The following ARL10 variants were observed in gnomAD, a reference collection of about 807,000 sequenced individuals.
ARL10 encodes ADP-ribosylation factor-like protein 10.
Under a neutral mutation model 26.1 loss-of-function variants are expected in ARL10, and 23 were observed. That is an observed-to-expected ratio of 0.88 (90% CI 0.63 to 1.25). The LOEUF is 1.25. Ranked by LOEUF, ARL10 falls within the 50% of genes most tolerant of loss-of-function variation. The probability of loss-of-function intolerance (pLI) is 0.00; values close to 1 mark genes in which losing one functional copy is unlikely to be tolerated. For missense variants in ARL10, 300 were observed against 323.6 expected (o/e 0.93, Z 0.56); for synonymous variants, 138 against 149.1 (o/e 0.93, Z 0.54).
downstream of ARL10, among the ~76,000 whole-genome samples, chr5:176,391,440 C>T (rs1030780127): frequency 7.2e-5 from 11 of 152,094 alleles, no homozygotes; most frequent in Admixed American, 5.9e-4. Context: ...GGCAAAGCCC[C>T]GTCTCTACTA....
chr5:176,390,787 G>A (rs1370595009), downstream of ARL10, among the ~76,000 whole-genome samples: 1 of 152,156 alleles, frequency 6.6e-6, no homozygotes, highest in East Asian at 1.9e-4. Context: ...AGAGGAAACA[G>A]GCTCAGAGAA....
At chr5:176,383,663 C>T (rs1755609766), downstream of ARL10, among the ~76,000 whole-genome samples, 1 of 152,260 alleles carries the variant, frequency 6.6e-6, no homozygotes, top group African/African-American at 2.4e-5. Flanking sequence ...CAGGCTAGGG[C>T]CCCACCAGCC....
chr5:176,387,765 G>A (rs1210782973), intron 1 of ARL10, among the ~76,000 whole-genome samples: 1 of 152,184 alleles, frequency 6.6e-6, no homozygotes, highest in Non-Finnish European at 1.5e-5. Context: ...AGCCGGGTAT[G>A]GTGGCACACG....
Position 176,365,728 on chromosome 5 carries a change from C to G in ARL10, c.165C>G (p.Pro55=). ...AWWGAEAARL[P]EWDEWDPEDE... ...GGGGCGCGGAGGCTGCCCGCCTCCC[C>G]GAGTGGGACGAGTGGGACGTGAGTG... The change falls in exon 1 of 4, where the codon CCC becomes CCG. Residue 55 remains proline (P), a synonymous_variant. Transcript: ENST00000310389. 1 of 1,235,906 alleles carries G rather than the reference C, an allele frequency of 8.1e-7. No individual in the cohort carries two copies. The highest frequency in any genetic ancestry group is 1.0e-6 in the Non-Finnish European group (1 of 988,860). 76.6% of individuals were successfully genotyped at this position (1,235,906 alleles called of 1,614,324 possible). A position where few individuals can be genotyped will look rare whatever the true frequency, so the allele number is the denominator to read the frequency against.
In ARL10 at chr5:176,368,785, C is replaced by G. The variant is rs763088461; in HGVS notation, c.386-22C>G. ...GAGCGGGGGCCCGGGAGGCTCTGAG[C>G]TGGCCCCTGGCCTCTCCTCAGTTGG... On this transcript the variant is annotated intron_variant, in intron 2 of 3. Transcript: ENST00000310389. The surrounding 1 kb of genome is among the most constrained non-coding windows in gnomAD (Gnocchi z 4.1). The G allele has an allele frequency of 2.5e-6, 4 of 1,592,658 alleles. No homozygotes were observed. The highest frequency in any genetic ancestry group is 3.4e-6 in the Non-Finnish European group (4 of 1,168,232).
At position 176,365,710 on chromosome 5, in the gene ARL10, G is replaced by T; in HGVS notation, c.147G>T (p.Ala49=). The T allele has an allele frequency of 8.1e-7, 1 of 1,239,494 alleles. No homozygotes were observed. Among genetic ancestry groups the T allele is most frequent in the Non-Finnish European group, 1.0e-6 (1 of 990,106 alleles). The allele number at this position is 1,239,494 out of a possible 1,614,324, so 76.8% of individuals were successfully genotyped here. The part of the protein sequence containing the change: ...RWDRGEAWWG[A]EAARLPEWDE... ...ACCGGGGAGAGGCCTGGTGGGGCGC[G>T]GAGGCTGCCCGCCTCCCCGAGTGGG... The change falls in exon 1 of 4, where the codon GCG becomes GCT. Residue 49 remains alanine, a synonymous_variant. Transcript: ENST00000310389.
At chr5:176,393,519 C>T (rs905627021), downstream of ARL10, among the ~76,000 whole-genome samples, 2 of 152,220 alleles carry the variant, frequency 1.3e-5, no homozygotes, top group East Asian at 1.9e-4. The surrounding 1 kb of genome is among the most constrained non-coding windows in gnomAD (Gnocchi z 4.4). Context: ...TACAGCAAGA[C>T]TTTCAAAGCC....
At chr5:176,388,633 T>G (rs1412209114) in exon 2 of ARL10, 1 of 1,370,732 alleles carries the variant, frequency 7.3e-7, no homozygotes, top group Admixed American at 1.9e-5. Context: ...CACAAGGCTT[T>G]GCGGGCATTT....
At chr5:176,371,327 G>A (rs968871492) in intron 3 of ARL10, among the ~76,000 whole-genome samples, 3 of 152,222 alleles carry the variant, frequency 2.0e-5, no homozygotes, top group South Asian at 4.1e-4. Flanking sequence ...AGGTTGCAGT[G>A]AGCCAAGATC....
chr5:176,370,675 T>A (rs1253405929), intron 3 of ARL10, among the ~76,000 whole-genome samples: 1 of 152,186 alleles, frequency 6.6e-6, no homozygotes, highest in Non-Finnish European at 1.5e-5. Flanking sequence ...ATGTCCTATT[T>A]ATAAACTAAT....
At chr5:176,401,987 AT>A (rs1469544784), downstream of ARL10, 5 of 320,276 alleles carry the variant, frequency 1.6e-5, no homozygotes, top group African/African-American at 8.7e-5. Flanking sequence ...TCTAAATCCG[AT>A]TTATCATGTC....
the ARL10 span, among the ~76,000 whole-genome samples, chr5:176,413,502 C>T: frequency 6.6e-6 from 1 of 152,230 alleles, no homozygotes; most frequent in East Asian, 1.9e-4. Flanking sequence ...CCTGTGGCTC[C>T]AGCACAGGCC....
chr5:176,388,719 GCGTA>G, downstream of ARL10: 1 of 1,502,456 alleles, frequency 6.7e-7, no homozygotes, highest in East Asian at 2.3e-5. Flanking sequence ...ATTTGCGCCT[GCGTA>G]CAAGGCTCAA....
At chr5:176,404,168 G>A (rs994635209), downstream of ARL10, among the ~76,000 whole-genome samples, 2 of 152,216 alleles carry the variant, frequency 1.3e-5, no homozygotes, top group African/African-American at 2.4e-5. Context: ...GGTGTGACTC[G>A]CCACATAGTA....
downstream of ARL10, chr5:176,386,693 A>G (rs1408226390): frequency 1.3e-6 from 1 of 760,210 alleles, no homozygotes; most frequent in Admixed American, 1.9e-5. Flanking sequence ...GCCAGGACAC[A>G]GTCCTAACTC....
At position 176,372,783 on chromosome 5, in the gene ARL10, C is replaced by G. The variant is rs1336593048; in HGVS notation, c.*888C>G. On this transcript the variant is annotated 3_prime_UTR_variant, in exon 4 of 4. Transcript: ENST00000310389. ...GTCAACTGGAGCTAGGTGTTGACCT[C>G]AGAACTGCATTTTATTTATTAATTT... The G allele has an allele frequency of 1.3e-5, 5 of 397,598 alleles. No homozygotes were observed. The Admixed American group carries it at 2.2e-4, about 18-fold the overall frequency. 24.6% of individuals were successfully genotyped at this position (397,598 alleles called of 1,614,324 possible). A position where few individuals can be genotyped will look rare whatever the true frequency, so the allele number is the denominator to read the frequency against.
intron 1 of ARL10, chr5:176,398,094 C>T (rs780781613): frequency 2.0e-5 from 31 of 1,556,212 alleles, no homozygotes; most frequent in South Asian, 4.5e-5. Flanking sequence ...ACACCTGCCC[C>T]GCTGTCTCTG....
intron 1 of ARL10, among the ~76,000 whole-genome samples, chr5:176,401,129 A>C (rs545349930): frequency 1.3e-5 from 2 of 152,316 alleles, no homozygotes; most frequent in Admixed American, 1.3e-4. Flanking sequence ...TCCGGAGAAC[A>C]CAAGTTCACT....
chr5:176,370,728 C>T (rs1279551315), intron 3 of ARL10, among the ~76,000 whole-genome samples: 1 of 152,120 alleles, frequency 6.6e-6, no homozygotes, highest in Non-Finnish European at 1.5e-5. Flanking sequence ...TCTAAGGTCC[C>T]AGCAGTCTCT....
Sources: gnomAD v4.1 joint callset for allele counts (sites outside exome capture counted in the v4.1 genomes callset) on GRCh38, gnomAD v4.1.1 for gene constraint, Gnocchi (gnomAD v3.1) non-coding constraint, MANE v1.5 for transcripts, NCBI Gene and HGNC (gene_info 2026-07-23, HGNC 2026-07-21) for gene names.